The following TOPAZ1 variants were observed in gnomAD, a reference collection of about 807,000 sequenced individuals.
The protein encoded by TOPAZ1 is protein TOPAZ1.
TOPAZ1 carries 66 observed loss-of-function variants against 172.2 expected under a neutral mutation model. The observed-to-expected ratio is 0.38, with a 90% CI of 0.31 to 0.47. The LOEUF is 0.47. Among genes scored for constraint, TOPAZ1 ranks in the 20% least tolerant of loss-of-function variants. The pLI, the probability that TOPAZ1 is intolerant of heterozygous loss-of-function variation, is 0.99. For synonymous variants in TOPAZ1, 681 were observed against 683.9 expected, an observed-to-expected ratio of 1.00 and a Z score of 0.07; for missense variants, 1,822 against 1,972.4, an observed-to-expected ratio of 0.92 and a Z score of 1.44.
intron 12 of TOPAZ1, among the ~76,000 whole-genome samples, chr3:44,291,130 T>C (rs1415280766): frequency 1.3e-5 from 2 of 151,948 alleles, no homozygotes; most frequent in South Asian, 2.1e-4. Context: ...GTAAAAAGAG[T>C]GTCTTTTATC....
rs1468195627 is a variant in TOPAZ1, at chr3:44,242,763, T to C, written c.347-90T>C. Reference sequence around the variant, plus strand: ...ATACAGCTGTTCAGGGAAATAAAAATGATAGCCTCACAATTTTTAATTTCA... The same window carrying C: ...ATACAGCTGTTCAGGGAAATAAAAACGATAGCCTCACAATTTTTAATTTCA... On this transcript the variant is annotated intron_variant, in intron 1 of 19. Coordinates refer to ENST00000309765, the MANE Select transcript of TOPAZ1 (RefSeq NM_001145030.2). The C allele has an allele frequency of 3.8e-6, 4 of 1,064,432 alleles. No homozygotes were observed. The East Asian group carries it at 8.0e-5, about 21-fold the overall frequency. The allele number at this position is 1,064,432 out of a possible 1,614,324, so 65.9% of individuals were successfully genotyped here.
chr3:44,280,669 G>A (rs1308561483), intron 8 of TOPAZ1, among the ~76,000 whole-genome samples: 1 of 152,124 alleles, frequency 6.6e-6, no homozygotes, highest in Non-Finnish European at 1.5e-5. Context: ...AGTTATTTTA[G>A]CAGCCCACAG....
At chr3:44,314,839 G>C (rs1700433773) in intron 16 of TOPAZ1, among the ~76,000 whole-genome samples, 1 of 152,108 alleles carries the variant, frequency 6.6e-6, no homozygotes. Flanking sequence ...TTGCATGTCT[G>C]TCAGGTTTTT....
At chr3:44,265,024 T>G (rs1031941402) in intron 5 of TOPAZ1, among the ~76,000 whole-genome samples, 1 of 152,222 alleles carries the variant, frequency 6.6e-6, no homozygotes, top group Non-Finnish European at 1.5e-5. Flanking sequence ...TGGAATCAAC[T>G]TCCTCCAGAC....
intron 12 of TOPAZ1, among the ~76,000 whole-genome samples, chr3:44,293,460 T>G (rs1362219931): frequency 1.3e-5 from 2 of 152,222 alleles, no homozygotes; most frequent in Non-Finnish European, 2.9e-5. Context: ...GTGATATTGA[T>G]CATCCTTGTT....
chr3:44,257,409 CTA>C (rs1559527778), intron 4 of TOPAZ1, among the ~76,000 whole-genome samples: 1 of 74,034 alleles, frequency 1.4e-5, no homozygotes, highest in East Asian at 4.1e-4. Context: ...GTGTGTGTGT[CTA>C]TTTTATATAT....
chr3:44,285,516 G>A (rs1046611453), intron 9 of TOPAZ1, among the ~76,000 whole-genome samples: 1 of 152,030 alleles, frequency 6.6e-6, no homozygotes, highest in African/African-American at 2.4e-5. Flanking sequence ...GTGTCAAAAT[G>A]TATTAAAATG....
intron 8 of TOPAZ1, among the ~76,000 whole-genome samples, chr3:44,272,216 G>A (rs1310698359): frequency 1.3e-5 from 2 of 152,168 alleles, no homozygotes; most frequent in Non-Finnish European, 2.9e-5. Context: ...TAGACGTGCA[G>A]ACATCTCTTC....
intron 18 of TOPAZ1, among the ~76,000 whole-genome samples, chr3:44,324,121 C>T (rs973732053): frequency 3.3e-5 from 5 of 152,068 alleles, no homozygotes; most frequent in South Asian, 2.1e-4. Context: ...TTTTCCCCAA[C>T]AAAATGGGAA....
chr3:44,252,175 C>T lies in TOPAZ1; in HGVS notation c.2766-2793C>T, dbSNP rs546604084. Among the ~76,000 whole-genome samples, 117 of 152,112 alleles carry T rather than the reference C, an allele frequency of 7.7e-4. 1 individual carries two copies. Among genetic ancestry groups the T allele is most frequent in the Non-Finnish European group, 1.1e-3 (75 of 68,022 alleles). ...AAATTAAGCTAATATACTTGTTGTA[C>T]CTATTTATGAATGGAACTTTCAGGA... On this transcript the variant is annotated intron_variant, in intron 2 of 19. Coordinates refer to ENST00000309765, the MANE Select transcript of TOPAZ1 (RefSeq NM_001145030.2).
chr3:44,244,224 C>T lies in TOPAZ1; in HGVS notation c.1718C>T (p.Ser573Phe), dbSNP rs1308681999. 1.9e-6 allele frequency: 3 copies of T among 1,549,288 alleles called. No individual in the cohort carries two copies. Among genetic ancestry groups the T allele is most frequent in the South Asian group, 2.4e-5 (2 of 83,458 alleles). The change falls in exon 2 of 20, where the codon TCT becomes TTT. Residue 573 changes from serine (S) to phenylalanine (F), a missense_variant. By Grantham distance (155) the Ser-to-Phe change is radical. This residue lies in a region of TOPAZ1 where 1,489 missense variants were observed against 1,490.8 expected (regional missense o/e 1.00). Transcript: ENST00000309765. The stretch of plus-strand genomic sequence containing the variant: ...TTAGATTCTAATTCTAATTGTTTGT[C>T]TTCAGTTTCTGCAGTAGAACCTACT... ...EKLDSNSNCL[S>F]SVSAVEPTLM...
chr3:44,243,045 A>G lies in TOPAZ1; in HGVS notation c.539A>G (p.Asn180Ser). The change falls in exon 2 of 20, where the codon AAC becomes AGC. Residue 180 changes from asparagine to serine, a missense_variant. Around this residue, in one of 2 missense-constraint regions of TOPAZ1, gnomAD observed 1,489 missense variants for 1,490.8 expected, o/e 1.00. Transcript: ENST00000309765. The part of the protein sequence containing the change: ...IRNKKLKSLE[N>S]PPLKITENEA... ...AATAAAAAACTTAAAAGCTTAGAAA[A>G]CCCACCTCTCAAAATAACCGAAAAT... 6.5e-7 allele frequency: 1 copy of G among 1,543,270 alleles called. No homozygotes were observed. The highest frequency in any genetic ancestry group is 8.7e-7 in the Non-Finnish European group (1 of 1,145,032).
At chr3:44,315,556 A>T (rs1203250280) in intron 16 of TOPAZ1, among the ~76,000 whole-genome samples, 18 of 123,938 alleles carry the variant, frequency 1.5e-4, no homozygotes, top group Non-Finnish European at 2.2e-4. Context: ...TTTTTTTAGT[A>T]GGACAGGGTT....
intron 16 of TOPAZ1, among the ~76,000 whole-genome samples, chr3:44,310,897 A>G (rs374654629): frequency 3.9e-5 from 6 of 152,356 alleles, no homozygotes; most frequent in South Asian, 2.1e-4. Flanking sequence ...GCAGGAACAA[A>G]TAAGGTTAGT....
At chr3:44,282,062 C>G (rs1208219699) in intron 9 of TOPAZ1, 31 bp downstream of exon 9, 2 of 1,338,986 alleles carry the variant, frequency 1.5e-6, no homozygotes, top group Non-Finnish European at 2.1e-6. Flanking sequence ...TAGTATGAAG[C>G]TATTAATGTG....
intron 12 of TOPAZ1, among the ~76,000 whole-genome samples, chr3:44,295,563 A>T (rs1200072178): frequency 6.6e-6 from 1 of 152,166 alleles, no homozygotes; most frequent in African/African-American, 2.4e-5. Context: ...TGCAAACATT[A>T]GTTTTAAAAG....
chr3:44,267,282 CT>C, intron 6 of TOPAZ1, 146 bp downstream of exon 6: 1 of 425,756 alleles, frequency 2.3e-6, no homozygotes, highest in Non-Finnish European at 3.9e-6. Flanking sequence ...TGCACCTTTA[CT>C]TAGTACTTTT....
At chr3:44,257,412 T>TGTG (rs1321624131) in intron 4 of TOPAZ1, among the ~76,000 whole-genome samples, 265 of 122,728 alleles carry the variant, frequency 2.2e-3, no homozygotes, top group Non-Finnish European at 2.5e-3. Flanking sequence ...TGTGTGTCTA[T>TGTG]TTTATATATT....
intron 5 of TOPAZ1, among the ~76,000 whole-genome samples, chr3:44,264,189 C>T (rs1331478464): frequency 6.6e-6 from 1 of 152,192 alleles, no homozygotes. Flanking sequence ...TCTACTCCAA[C>T]CACTTAAGAA....
Sources: allele counts gnomAD v4.1 joint callset (sites outside exome capture counted in the v4.1 genomes callset), GRCh38; gene constraint gnomAD v4.1.1; regional missense constraint gnomAD v4.1.1; transcripts MANE v1.5; gene names NCBI Gene and HGNC (gene_info 2026-07-23, HGNC 2026-07-21).